The following PDZRN4 variants were observed in gnomAD, a reference collection of about 807,000 sequenced individuals.
PDZRN4 encodes PDZ domain containing ring finger 4.
PDZRN4 carries 70 observed loss-of-function variants against 99.0 expected under a neutral mutation model. The observed-to-expected ratio is 0.71, with a 90% CI of 0.58 to 0.86. The LOEUF is 0.86. Among genes scored for constraint, PDZRN4 ranks in the 40% least tolerant of loss-of-function variants. PDZRN4 has a pLI of 0.00. For synonymous variants in PDZRN4, 551 were observed against 501.6 expected (o/e 1.10, Z -1.32); for missense variants, 1,474 against 1,331.2 (o/e 1.11, Z -1.67).
chr12:41,219,302 A>G (rs1310114901), intron 3 of PDZRN4, among the ~76,000 whole-genome samples: 1 of 152,134 alleles, frequency 6.6e-6, no homozygotes, highest in Non-Finnish European at 1.5e-5. Flanking sequence ...CTGAATTTTG[A>G]TGATTGAGTA....
intron 3 of PDZRN4, among the ~76,000 whole-genome samples, chr12:41,215,912 G>C (rs1283133343): frequency 6.6e-6 from 1 of 151,446 alleles, no homozygotes; most frequent in Non-Finnish European, 1.5e-5. Flanking sequence ...GATAGTACGA[G>C]GATTTAGTTA....
Position 41,395,855 on chromosome 12 carries a change from T to C in PDZRN4, c.844-110601T>C, listed in dbSNP as rs181203447. On this transcript the variant is annotated intron_variant, in intron 3 of 9. Transcript: ENST00000402685. ...GACACTACCTTAGATTTTTCTGAGA[T>C]CTTAATTAAAAATTTTATAGGAATG... is the stretch of plus-strand genomic sequence containing the variant. Among the ~76,000 whole-genome samples, 3 of 152,262 alleles carry C rather than the reference T, an allele frequency of 2.0e-5. No individual in the cohort carries two copies. In the East Asian group the frequency reaches 5.8e-4, roughly 29 times the overall value.
At chr12:41,557,647 G>A (rs534975188) in intron 7 of PDZRN4, among the ~76,000 whole-genome samples, 49 of 151,438 alleles carry the variant, frequency 3.2e-4, no homozygotes, top group Non-Finnish European at 6.3e-4. Flanking sequence ...TCTCCTCACC[G>A]CCTGTTCTTC....
chr12:41,200,461 A>G (rs1356943957), intron 3 of PDZRN4, among the ~76,000 whole-genome samples: 5 of 152,128 alleles, frequency 3.3e-5, no homozygotes, highest in Admixed American at 3.3e-4. Context: ...AAGCACTGTT[A>G]TATCCATTTT....
At chr12:41,445,405 A>C (rs1440961771) in intron 3 of PDZRN4, among the ~76,000 whole-genome samples, 2 of 152,104 alleles carry the variant, frequency 1.3e-5, no homozygotes, top group Non-Finnish European at 2.9e-5. Flanking sequence ...TTTGGCAAAA[A>C]GTGGTTTCTT....
At chr12:41,251,094 T>C (rs1353544205) in intron 3 of PDZRN4, among the ~76,000 whole-genome samples, 1 of 152,192 alleles carries the variant, frequency 6.6e-6, no homozygotes, top group Non-Finnish European at 1.5e-5. Context: ...CCCATTTGTT[T>C]AAAATTTCCA....
intron 3 of PDZRN4, among the ~76,000 whole-genome samples, chr12:41,464,285 A>G (rs148602004): frequency 7.1e-4 from 61 of 85,824 alleles, no homozygotes; most frequent in South Asian, 1.9e-3. Flanking sequence ...TTCCTACTGT[A>G]CTAGCTTTCA....
At chr12:41,562,201 C>CAT (rs761266017) in intron 7 of PDZRN4, among the ~76,000 whole-genome samples, 115 of 151,818 alleles carry the variant, frequency 7.6e-4, no homozygotes, top group South Asian at 8.4e-4. Context: ...AATTTGTGCC[C>CAT]ATATATATAT....
intron 3 of PDZRN4, among the ~76,000 whole-genome samples, chr12:41,419,647 A>T (rs79785076): frequency 6.6e-6 from 1 of 152,266 alleles, no homozygotes; most frequent in East Asian, 1.9e-4. Flanking sequence ...GTTTTACAGG[A>T]GTGGGGTACA....
At chr12:41,282,615 A>G (rs528495860) in intron 3 of PDZRN4, among the ~76,000 whole-genome samples, 14 of 152,286 alleles carry the variant, frequency 9.2e-5, no homozygotes, top group African/African-American at 3.1e-4. Context: ...CAACCACATG[A>G]TTGGAAATAA....
chr12:41,547,168 G>GA (rs34051253), intron 5 of PDZRN4, among the ~76,000 whole-genome samples: 22,004 of 152,168 alleles, frequency 0.14, 1,686 homozygotes, highest in South Asian at 0.24. Context: ...AGAGAAGGGG[G>GA]AAAAAACCTT....
intron 3 of PDZRN4, among the ~76,000 whole-genome samples, chr12:41,206,017 TAAGTGTTC>T: frequency 6.6e-6 from 1 of 152,136 alleles, no homozygotes; most frequent in Non-Finnish European, 1.5e-5. Flanking sequence ...TTGCTGCATG[TAAGTGTTC>T]ATTCTTATAG....
chr12:41,299,326 T>A lies in PDZRN4; in HGVS notation c.843+105138T>A, dbSNP rs559687715. On this transcript the variant is annotated intron_variant, in intron 3 of 9. Transcript: ENST00000402685. ...TGCAATTAAGCCTTGGTCTGGACAC[T>A]CTTTCTCAATGAGTAGAGTTAGATT... is the stretch of plus-strand genomic sequence containing the variant. Among the ~76,000 whole-genome samples the A allele has an allele frequency of 3.2e-3, 486 of 152,248 alleles. 5 individuals are homozygous for A. The highest frequency in any genetic ancestry group is 3.8e-3 in the Non-Finnish European group (259 of 67,996).
intron 3 of PDZRN4, among the ~76,000 whole-genome samples, chr12:41,383,770 T>C (rs189980039): frequency 1.1e-4 from 17 of 152,320 alleles, no homozygotes; most frequent in Admixed American, 2.6e-4. Context: ...GTGCAAGTTT[T>C]AGAAGACTAA....
At chr12:41,345,875 G>A (rs575223593) in intron 3 of PDZRN4, among the ~76,000 whole-genome samples, 1 of 152,002 alleles carries the variant, frequency 6.6e-6, no homozygotes, top group Non-Finnish European at 1.5e-5. Flanking sequence ...TATTTTGAAA[G>A]GGTATGACAG....
At chr12:41,234,890 A>C (rs571986899) in intron 3 of PDZRN4, among the ~76,000 whole-genome samples, 4 of 152,158 alleles carry the variant, frequency 2.6e-5, no homozygotes, top group Non-Finnish European at 5.9e-5. Flanking sequence ...TATGGGACTA[A>C]TTGAAGTGGA....
At chr12:41,414,744 C>T (rs1489409147) in intron 3 of PDZRN4, among the ~76,000 whole-genome samples, 1 of 151,954 alleles carries the variant, frequency 6.6e-6, no homozygotes, top group Non-Finnish European at 1.5e-5. Flanking sequence ...TGATAACTAC[C>T]ATGATGGAAA....
rs187835078 is a variant in PDZRN4, at chr12:41,380,544, A to G, written c.844-125912A>G. On this transcript the variant is annotated intron_variant, in intron 3 of 9. Transcript: ENST00000402685. ...ATAGTTAATATATGGCTTAAATAAA[A>G]TATTTTATAGTTATAACGTCCTACT... 1.7e-3 allele frequency among the ~76,000 whole-genome samples: 264 copies of G among 152,204 alleles called. 3 individuals are homozygous for G. Among genetic ancestry groups the G allele is most frequent in the African/African-American group, 5.7e-3 (238 of 41,562 alleles).
chr12:41,384,660 C>G (rs1008686687), intron 3 of PDZRN4, among the ~76,000 whole-genome samples: 1 of 152,058 alleles, frequency 6.6e-6, no homozygotes, highest in Non-Finnish European at 1.5e-5. Flanking sequence ...GCTTGTGAGG[C>G]CCTTTTCTTA....
Sources: gnomAD v4.1 joint callset for allele counts (sites outside exome capture counted in the v4.1 genomes callset) on GRCh38, gnomAD v4.1.1 for gene constraint, MANE v1.5 for transcripts, NCBI Gene and HGNC (gene_info 2026-07-23, HGNC 2026-07-21) for gene names.